The following NLRP5 variants were observed in gnomAD, a reference collection of about 807,000 sequenced individuals.
NLRP5 encodes the protein NACHT, LRR and PYD domains-containing protein 5.
A neutral mutation model predicts 113.1 loss-of-function variants in NLRP5; 93 were observed. The ratio of observed to expected loss-of-function variants is 0.82; its 90% CI spans 0.70 to 0.98. The LOEUF (loss-of-function observed/expected upper bound fraction) is 0.98. Among genes scored for constraint, NLRP5 ranks in the 50% least tolerant of loss-of-function variants. NLRP5 has a pLI of 0.00. For missense variants in NLRP5, 1,808 were observed against 1,514.3 expected, an observed-to-expected ratio of 1.19 and a Z score of -3.22; for synonymous variants, 751 against 600.7, an observed-to-expected ratio of 1.25 and a Z score of -3.66.
chr19:56,012,728 T>A (rs1982246325), intron 3 of NLRP5, among the ~76,000 whole-genome samples: 1 of 152,162 alleles, frequency 6.6e-6, no homozygotes, highest in Non-Finnish European at 1.5e-5. Flanking sequence ...TGAATGACAC[T>A]TACAGACTTC....
Position 56,028,129 on chromosome 19 carries a change from G to A in NLRP5, c.1896G>A (p.Trp632Ter). 1 of 1,614,014 alleles carries A rather than the reference G, an allele frequency of 6.2e-7. No individual in the cohort carries two copies. The highest frequency in any genetic ancestry group is 1.3e-5 in the African/African-American group (1 of 75,044). ...CAGGCTTCCATATCCACTCGCTTTGGATGAAGCGTTTCTTGTTTGGCCTCG... is the reference window on the plus strand; with the variant it reads ...CAGGCTTCCATATCCACTCGCTTTGAATGAAGCGTTTCTTGTTTGGCCTCG... The change falls in exon 7 of 15, where the codon TGG (tryptophan) becomes TGA (stop). Residue 632 changes from tryptophan (W) to a stop codon, truncating the protein, a stop_gained. Transcript: ENST00000390649. LOFTEE classifies it high-confidence loss of function.
intron 14 of NLRP5, among the ~76,000 whole-genome samples, chr19:56,059,834 T>C (rs906962988): frequency 6.6e-6 from 1 of 152,210 alleles, no homozygotes; most frequent in Non-Finnish European, 1.5e-5. Flanking sequence ...TTCCTTGTGG[T>C]ATATTTATAT....
upstream of NLRP5, among the ~76,000 whole-genome samples, chr19:55,996,118 G>A (rs956709872): frequency 1.3e-5 from 2 of 152,174 alleles, no homozygotes; most frequent in African/African-American, 4.8e-5. Context: ...CTCCAATTTT[G>A]ATGCCCTTTG....
chr19:56,042,404 C>T lies in NLRP5; in HGVS notation c.2957+1312C>T, dbSNP rs566314105. Among the ~76,000 whole-genome samples the T allele has an allele frequency of 2.7e-3, 411 of 152,164 alleles. 5 individuals are homozygous for T. The highest frequency in any genetic ancestry group is 0.025 in the South Asian group (119 of 4,810). ...TGTCACCCAGGTTGGAGTGGCATGG[C>T]GCAATCTCAGCTCACTGCAACCTCC... On this transcript the variant is annotated intron_variant, in intron 11 of 14. Coordinates refer to ENST00000390649, the MANE Select transcript of NLRP5 (RefSeq NM_153447.4).
At chr19:56,016,664 G>A (rs1004091565) in intron 4 of NLRP5, among the ~76,000 whole-genome samples, 5 of 152,206 alleles carry the variant, frequency 3.3e-5, no homozygotes, top group African/African-American at 4.8e-5. Flanking sequence ...TTCTGAGTTC[G>A]ACATTTTTAG....
chr19:56,026,927 A>G lies in NLRP5; in HGVS notation c.694A>G (p.Thr232Ala). ...TCTGACTCCAGGACATGGAGGTGAC[A>G]CATGGGACTACAAGAGTCACGTGAT... The change falls in exon 7 of 15, where the codon ACA becomes GCA. Residue 232 changes from threonine (T) to alanine (A), a missense_variant. Thr to Ala is a moderately conservative substitution (Grantham distance 58). Transcript: ENST00000390649. The G allele has an allele frequency of 1.3e-6, 2 of 1,551,310 alleles. No homozygotes were observed. The highest frequency in any genetic ancestry group is 2.4e-5 in the South Asian group (2 of 84,038).
At position 56,058,324 on chromosome 19, in the gene NLRP5, C is replaced by G. The variant is rs1325426392; in HGVS notation, c.3384C>G (p.Asn1128Lys). Residue 1128 changes from asparagine to lysine, a missense_variant, in exon 14 of 15, where the codon AAC becomes AAG. Asn to Lys is a moderately conservative substitution (Grantham distance 94, BLOSUM62 0). Coordinates refer to ENST00000390649, the MANE Select transcript of NLRP5 (RefSeq NM_153447.4). The stretch of plus-strand genomic sequence containing the variant: ...GCAACCGGCATCTGACCAGTCTAAA[C>G]CTGGTGCAGAATAACTTCAGTCCCA... 1 of 1,613,860 alleles carries G rather than the reference C, an allele frequency of 6.2e-7. No individual in the cohort carries two copies. The highest frequency in any genetic ancestry group is 8.5e-7 in the Non-Finnish European group (1 of 1,179,758).
At chr19:55,991,337 A>G in the NLRP5 span, among the ~76,000 whole-genome samples, 8 of 152,186 alleles carry the variant, frequency 5.3e-5, no homozygotes, top group African/African-American at 1.7e-4. Flanking sequence ...AGTGAATATC[A>G]TTCTTCTTAG....
intron 11 of NLRP5, among the ~76,000 whole-genome samples, chr19:56,043,572 T>A (rs1719980492): frequency 2.3e-5 from 1 of 44,248 alleles, no homozygotes; most frequent in Non-Finnish European, 5.3e-5. Context: ...TTTTTTTTTT[T>A]TTTTTTTTTT....
At chr19:56,050,807 G>T (rs926486392) in intron 12 of NLRP5, among the ~76,000 whole-genome samples, 1 of 152,204 alleles carries the variant, frequency 6.6e-6, no homozygotes, top group Non-Finnish European at 1.5e-5. Context: ...TGAGTTCTGA[G>T]AAGCCCTTGA....
rs1982875781 is a variant in NLRP5 at position 56,026,934 on chromosome 19, A to C, written c.701A>C (p.Asp234Ala). Reference sequence around the variant, plus strand: ...CCAGGACATGGAGGTGACACATGGGACTACAAGAGTCACGTGATGACCAAA... The same window carrying C: ...CCAGGACATGGAGGTGACACATGGGCCTACAAGAGTCACGTGATGACCAAA... Residue 234 changes from aspartate to alanine, a missense_variant, in exon 7 of 15, where the codon GAC becomes GCC. Asp to Ala is a moderately radical substitution (Grantham distance 126). Transcript: ENST00000390649. 1 of 1,551,556 alleles carries C rather than the reference A, an allele frequency of 6.4e-7. No homozygotes were observed. The highest frequency in any genetic ancestry group is 8.7e-7 in the Non-Finnish European group (1 of 1,146,916).
At chr19:56,019,470 A>C (rs1982533420) in intron 5 of NLRP5, 72 bp downstream of exon 5, 3 of 1,483,916 alleles carry the variant, frequency 2.0e-6, no homozygotes, top group Non-Finnish European at 2.8e-6. Context: ...TAAGTAGTTT[A>C]GATTTCAAGG....
chr19:56,048,972 T>TAA (rs1983824866), intron 11 of NLRP5, among the ~76,000 whole-genome samples: 1 of 69,822 alleles, frequency 1.4e-5, no homozygotes, highest in African/African-American at 4.7e-5. Flanking sequence ...TCTGATTTTT[T>TAA]TTTTTAATTT....
intron 13 of NLRP5, among the ~76,000 whole-genome samples, chr19:56,054,778 A>T (rs1296314861): frequency 6.6e-6 from 1 of 151,886 alleles, no homozygotes; most frequent in East Asian, 1.9e-4. Context: ...CTGAATTGGT[A>T]TGGGGTTTCC....
the NLRP5 span, among the ~76,000 whole-genome samples, chr19:55,991,599 C>G: frequency 1.8e-3 from 276 of 152,232 alleles, 2 homozygotes; most frequent in African/African-American, 6.2e-3. Context: ...TCACGTTTAA[C>G]TGGTTATTAG....
Position 56,007,289 on chromosome 19 carries a change from G to A in NLRP5, c.443-1499G>A, listed in dbSNP as rs1319734291. Among the ~76,000 whole-genome samples, 3 of 151,074 alleles carry A rather than the reference G, an allele frequency of 2.0e-5. No individual in the cohort carries two copies. The South Asian group carries it at 6.2e-4, about 31-fold the overall frequency. On this transcript the variant is annotated intron_variant, in intron 2 of 14. Coordinates refer to ENST00000390649, the MANE Select transcript of NLRP5 (RefSeq NM_153447.4). ...TGAGGCAGGAGAATCGCTTGAAGCT[G>A]GGAGGCAGAGGTTGCAGTGAGCTGA...
intron 13 of NLRP5, among the ~76,000 whole-genome samples, chr19:56,057,752 G>T (rs1478131584): frequency 3.3e-5 from 5 of 152,182 alleles, no homozygotes; most frequent in Non-Finnish European, 7.4e-5. Flanking sequence ...TTGGCCGGGT[G>T]CAGTGGCTCA....
At chr19:56,008,996 G>T in intron 3 of NLRP5, 143 bp downstream of exon 3, 1 of 728,982 alleles carries the variant, frequency 1.4e-6, no homozygotes, top group Non-Finnish European at 2.4e-6. Context: ...GACCGGATGG[G>T]TTCTGAGGAT....
At position 56,027,944 on chromosome 19, in the gene NLRP5, C is replaced by G; in HGVS notation, c.1711C>G (p.Leu571Val). The G allele has an allele frequency of 6.2e-7, 1 of 1,613,902 alleles. No individual in the cohort carries two copies. The change falls in exon 7 of 15, where the codon CTC becomes GTC. Residue 571 changes from leucine to valine, a missense_variant. Coordinates refer to ENST00000390649, the MANE Select transcript of NLRP5 (RefSeq NM_153447.4). ...TGCTCTGTTTCACATGAACATCCTT[C>G]TCCCAGACAGCCACTGTGAGGAGTA... is the stretch of plus-strand genomic sequence containing the variant.
Sources: gnomAD v4.1 joint callset for allele counts (sites outside exome capture counted in the v4.1 genomes callset) on GRCh38, gnomAD v4.1.1 for gene constraint, MANE v1.5 for transcripts, NCBI Gene and HGNC (gene_info 2026-07-23, HGNC 2026-07-21) for gene names.